The following SLC44A5 variants were observed in gnomAD, a reference collection of about 807,000 sequenced individuals.
SLC44A5 encodes choline transporter-like protein 5.
A neutral mutation model predicts 101.8 loss-of-function variants in SLC44A5; 57 were observed. The observed-to-expected ratio is 0.56, with a 90% CI of 0.45 to 0.70. The LOEUF (loss-of-function observed/expected upper bound fraction) is 0.70. Among genes scored for constraint, SLC44A5 ranks in the 30% least tolerant of loss-of-function variants. The probability of loss-of-function intolerance (pLI) is 0.00; values close to 1 mark genes in which losing one functional copy is unlikely to be tolerated. For missense variants in SLC44A5, 737 were observed against 853.1 expected, an observed-to-expected ratio of 0.86 and a Z score of 1.70; for synonymous variants, 281 against 290.9, an observed-to-expected ratio of 0.97 and a Z score of 0.35.
the SLC44A5 span, among the ~76,000 whole-genome samples, chr1:75,640,833 G>A: frequency 6.6e-6 from 1 of 152,216 alleles, no homozygotes; most frequent in East Asian, 1.9e-4. Flanking sequence ...CTTCTGGCTT[G>A]TCTGGGGCTT....
the SLC44A5 span, among the ~76,000 whole-genome samples, chr1:75,622,497 C>A: frequency 6.6e-6 from 1 of 151,674 alleles, no homozygotes; most frequent in African/African-American, 2.4e-5. Context: ...CCACAGAAAC[C>A]CCCCCAAAAA....
At chr1:75,562,860 C>A (rs1429604969) in intron 1 of SLC44A5, among the ~76,000 whole-genome samples, 1 of 152,022 alleles carries the variant, frequency 6.6e-6, no homozygotes, top group Non-Finnish European at 1.5e-5. Context: ...TTCTAGCTGT[C>A]ATGATACCAT....
intron 1 of SLC44A5, among the ~76,000 whole-genome samples, chr1:75,571,546 C>A (rs1473627685): frequency 6.6e-6 from 1 of 151,926 alleles, no homozygotes; most frequent in African/African-American, 2.4e-5. Flanking sequence ...TCACTTTTAG[C>A]ACAGTATTCA....
At chr1:75,560,910 A>G (rs1672482203) in intron 1 of SLC44A5, among the ~76,000 whole-genome samples, 1 of 152,224 alleles carries the variant, frequency 6.6e-6, no homozygotes. Context: ...TAAATACATT[A>G]ACTATGTTGA....
intron 1 of SLC44A5, among the ~76,000 whole-genome samples, chr1:75,547,543 C>T (rs1671717463): frequency 6.6e-6 from 1 of 152,150 alleles, no homozygotes; most frequent in African/African-American, 2.4e-5. Context: ...CAAAAGTGTC[C>T]TGGTCAAGAG....
rs1674559454 is a variant in SLC44A5, at chr1:75,595,091, GAAGA to G, written c.-70+15945_-70+15948del. On this transcript the variant is annotated intron_variant, in intron 1 of 23. Transcript: ENST00000370859. Reference sequence around the variant, plus strand: ...AAATAAGAAAATAATTATATCAAAAGAAGAAAGAAAGGGAGGTAGGGAGGTAGAA... The same window carrying G: ...AAATAAGAAAATAATTATATCAAAAGAAGAAAGGGAGGTAGGGAGGTAGAA... Among the ~76,000 whole-genome samples the G allele has an allele frequency of 3.3e-5, 5 of 151,856 alleles. No individual in the cohort carries two copies. The South Asian group carries it at 1.0e-3, about 31-fold the overall frequency.
the SLC44A5 span, among the ~76,000 whole-genome samples, chr1:75,639,585 C>T: frequency 1.3e-5 from 2 of 152,074 alleles, no homozygotes; most frequent in Non-Finnish European, 2.9e-5. Context: ...CCAGACCCAC[C>T]GTGTTCTGTC....
chr1:75,555,621 T>C (rs1672174491), intron 1 of SLC44A5, among the ~76,000 whole-genome samples: 1 of 121,674 alleles, frequency 8.2e-6, no homozygotes, highest in Admixed American at 9.0e-5. Context: ...AGAGCAAGGA[T>C]AAATAAGACA....
chr1:75,219,764 A>G (rs985928773), intron 15 of SLC44A5, 36 bp downstream of exon 15: 2 of 1,356,670 alleles, frequency 1.5e-6, no homozygotes, highest in Non-Finnish European at 1.1e-6. Context: ...AGTCATGTGA[A>G]CCTGAGGTTT....
At chr1:75,372,159 A>G (rs1660268643) in intron 3 of SLC44A5, among the ~76,000 whole-genome samples, 1 of 148,382 alleles carries the variant, frequency 6.7e-6, no homozygotes, top group Non-Finnish European at 1.5e-5. Context: ...ATCATGCCAC[A>G]GCACTCTAAA....
chr1:75,501,185 T>TA (rs5775290), intron 2 of SLC44A5, among the ~76,000 whole-genome samples: 46,160 of 151,744 alleles, frequency 0.3, 7,895 homozygotes, highest in East Asian at 0.8. Context: ...TGAACATTAA[T>TA]AAAAAAACAT....
intron 5 of SLC44A5, 100 bp from the exon 6 acceptor site, chr1:75,275,142 T>G: frequency 2.7e-6 from 2 of 738,270 alleles, no homozygotes; most frequent in South Asian, 1.7e-5. Flanking sequence ...CACTAACCTC[T>G]CCCCTCAGTC....
chr1:75,233,713 C>T (rs1647808531), intron 12 of SLC44A5, among the ~76,000 whole-genome samples: 1 of 152,082 alleles, frequency 6.6e-6, no homozygotes, highest in Admixed American at 6.6e-5. Context: ...TTTCTTTTTA[C>T]CTCCTTCTTA....
chr1:75,573,503 T>C (rs1239971768), intron 1 of SLC44A5, among the ~76,000 whole-genome samples: 1 of 152,190 alleles, frequency 6.6e-6, no homozygotes, highest in East Asian at 1.9e-4. Context: ...CACATAAATT[T>C]GTTATTTAAA....
rs149262233 is a variant in SLC44A5, at chr1:75,454,137, T to A, written c.14-57516A>T. ...CCAATATTCCTGATTAACACAGATA[T>A]AAAAATCCTCAACAAAACACTAGCA... On this transcript the variant is annotated intron_variant, in intron 2 of 23. Transcript: ENST00000370859. Among the ~76,000 whole-genome samples the A allele has an allele frequency of 3.5e-3, 535 of 151,968 alleles. 5 individuals carry two copies. Among genetic ancestry groups the A allele is most frequent in the African/African-American group, 0.012 (509 of 41,496 alleles).
intron 13 of SLC44A5, among the ~76,000 whole-genome samples, chr1:75,227,049 T>C (rs549548147): frequency 1.5e-4 from 23 of 152,294 alleles, no homozygotes; most frequent in Middle Eastern, 3.4e-3. Context: ...TCCTTTTCCT[T>C]TTTCTTTTTT....
At chr1:75,328,525 T>C (rs754500404) in intron 4 of SLC44A5, among the ~76,000 whole-genome samples, 2 of 152,184 alleles carry the variant, frequency 1.3e-5, no homozygotes, top group Non-Finnish European at 2.9e-5. Flanking sequence ...ACACCATGTA[T>C]GGGCTACCTC....
chr1:75,352,272 G>A (rs549813169), intron 3 of SLC44A5, among the ~76,000 whole-genome samples: 6 of 151,960 alleles, frequency 3.9e-5, no homozygotes, highest in South Asian at 2.1e-4. Context: ...AAAGTGTGCC[G>A]TGGTGGTTTG....
At chr1:75,585,253 G>T (rs1042516748) in intron 1 of SLC44A5, among the ~76,000 whole-genome samples, 2 of 152,164 alleles carry the variant, frequency 1.3e-5, no homozygotes, top group African/African-American at 4.8e-5. Context: ...CTTTTTTCTG[G>T]TAGATCACAT....
Sources: allele counts gnomAD v4.1 joint callset (sites outside exome capture counted in the v4.1 genomes callset), GRCh38; gene constraint gnomAD v4.1.1; transcripts MANE v1.5; gene names NCBI Gene and HGNC (gene_info 2026-07-23, HGNC 2026-07-21).